Variants in SORCS1 observed in about 807,000 individuals in gnomAD.
SORCS1 encodes sortilin related VPS10 domain containing receptor 1.
In SORCS1, 60 loss-of-function variants were observed where a neutral mutation model predicts 146.1. The observed-to-expected ratio is 0.41, with a 90% confidence interval of 0.33 to 0.51. The LOEUF is 0.51. Ranked by LOEUF, SORCS1 falls within the 20% of genes least tolerant of loss-of-function variation. SORCS1 has a pLI of 0.21. For synonymous variants in SORCS1, 637 were observed against 584.0 expected, an observed-to-expected ratio of 1.09 and a Z score of -1.31; for missense variants, 1,352 against 1,487.6, an observed-to-expected ratio of 0.91 and a Z score of 1.50.
chr10:107,109,769 C>T (rs1169191970), intron 1 of SORCS1, among the ~76,000 whole-genome samples: 1 of 152,200 alleles, frequency 6.6e-6, no homozygotes, highest in African/African-American at 2.4e-5. Flanking sequence ...GGCTAGGCTG[C>T]AGATTTTCTA....
chr10:106,986,296 T>C (rs1000259200), intron 1 of SORCS1, among the ~76,000 whole-genome samples: 4 of 151,954 alleles, frequency 2.6e-5, no homozygotes, highest in Non-Finnish European at 2.9e-5. Flanking sequence ...CAAACACACG[T>C]GTAAAAAAAT....
intron 3 of SORCS1, among the ~76,000 whole-genome samples, chr10:106,780,482 A>C (rs1860803354): frequency 6.6e-6 from 1 of 152,216 alleles, no homozygotes; most frequent in Non-Finnish European, 1.5e-5. Context: ...GCTCTCCAAA[A>C]AGAGAGGTCA....
intron 23 of SORCS1, among the ~76,000 whole-genome samples, chr10:106,602,536 C>CACACAG (rs1554875443): frequency 2.7e-3 from 413 of 151,294 alleles, no homozygotes; most frequent in African/African-American, 9.3e-3. Context: ...CACACACACA[C>CACACAG]ACACACACAC....
chr10:107,148,781 C>T (rs1968537586), intron 1 of SORCS1, among the ~76,000 whole-genome samples: 1 of 152,154 alleles, frequency 6.6e-6, no homozygotes, highest in Non-Finnish European at 1.5e-5. Flanking sequence ...ATCAAGGAGA[C>T]TTTCATAGAG....
chr10:107,032,617 G>A (rs1433422444), intron 1 of SORCS1, among the ~76,000 whole-genome samples: 1 of 152,170 alleles, frequency 6.6e-6, no homozygotes, highest in Non-Finnish European at 1.5e-5. Context: ...AGCCTGCTGA[G>A]AACCTCCCCT....
At chr10:106,619,435 G>A (rs1262193093) in intron 20 of SORCS1, among the ~76,000 whole-genome samples, 1 of 152,182 alleles carries the variant, frequency 6.6e-6, no homozygotes, top group Non-Finnish European at 1.5e-5. Flanking sequence ...GCAGAAAAAT[G>A]TTTTTATTAA....
At chr10:107,145,872 A>C (rs188892755) in intron 1 of SORCS1, among the ~76,000 whole-genome samples, 181 of 152,328 alleles carry the variant, frequency 1.2e-3, no homozygotes, top group African/African-American at 4.2e-3. Flanking sequence ...AAGGAGCCCA[A>C]ATTATTTGCA....
chr10:107,147,485 C>T (rs925056416), intron 1 of SORCS1, among the ~76,000 whole-genome samples: 2 of 152,092 alleles, frequency 1.3e-5, no homozygotes, highest in African/African-American at 2.4e-5. Flanking sequence ...TCTGAATCTA[C>T]GCTTCTTTCT....
intron 21 of SORCS1, among the ~76,000 whole-genome samples, chr10:106,612,277 A>G (rs1380641154): frequency 6.6e-6 from 1 of 151,908 alleles, no homozygotes; most frequent in East Asian, 1.9e-4. Flanking sequence ...CCCTGTATAG[A>G]GACAGAGGGA....
At position 106,776,599 on chromosome 10, in the gene SORCS1, T is replaced by G. The variant is rs998650004; in HGVS notation, c.820A>C (p.Ile274Leu). The G allele has an allele frequency of 5.6e-6, 9 of 1,613,966 alleles. No homozygotes were observed. Among genetic ancestry groups the G allele is most frequent in the African/African-American group, 1.3e-5 (1 of 74,938 alleles). ...TTGGGGTGAAAAAGCAAGCTTTGAA[T>G]GTAGAAGTTCAGCCGGTACTTTTGA... Reference protein sequence around the residue: ...TYQKYRLNFYIQSLLFHPKQE... With the variant: ...TYQKYRLNFYLQSLLFHPKQE... The change falls in exon 4 of 26, where the codon ATT (isoleucine) becomes CTT (leucine). Residue 274 changes from isoleucine (I) to leucine (L), a missense_variant. This residue lies in a region of SORCS1 where 490 missense variants were observed against 489.1 expected (regional missense o/e 1.00). Transcript: ENST00000263054.
intron 16 of SORCS1, among the ~76,000 whole-genome samples, chr10:106,669,937 T>G (rs1281140391): frequency 6.6e-6 from 1 of 152,240 alleles, no homozygotes; most frequent in African/African-American, 2.4e-5. Context: ...AGATATGTGA[T>G]GTGTATGTAC....
intron 1 of SORCS1, among the ~76,000 whole-genome samples, chr10:107,083,540 CT>C (rs1255998021): frequency 6.6e-6 from 1 of 152,124 alleles, no homozygotes; most frequent in Non-Finnish European, 1.5e-5. Context: ...ATGGGTCATA[CT>C]TTTTTTCTTA....
At chr10:106,698,393 T>C (rs1449054277) in intron 9 of SORCS1, among the ~76,000 whole-genome samples, 1 of 152,238 alleles carries the variant, frequency 6.6e-6, no homozygotes, top group East Asian at 1.9e-4. Flanking sequence ...TATAGGTATA[T>C]TGTTACACTT....
At chr10:106,605,498 A>C (rs1846513423) in intron 23 of SORCS1, among the ~76,000 whole-genome samples, 1 of 152,200 alleles carries the variant, frequency 6.6e-6, no homozygotes. Context: ...TTTCATGAAA[A>C]ACCAGTAAGA....
In SORCS1 at chr10:106,580,700, G is replaced by A. The variant is rs116971007; in HGVS notation, c.3266-1226C>T. Among the ~76,000 whole-genome samples the A allele has an allele frequency of 3.0e-3, 456 of 152,270 alleles. 2 individuals are homozygous for A. The highest frequency in any genetic ancestry group is 6.8e-3 in the Middle Eastern group (2 of 294). On this transcript the variant is annotated intron_variant, in intron 24 of 25. Coordinates refer to ENST00000263054, the MANE Select transcript of SORCS1 (RefSeq NM_052918.5). ...CCCAGGTAAAAAAGTTCAAGAATAA[G>A]TGACTATAATACTGATGGTCTCAGA...
chr10:106,813,136 T>TC (rs983970469), intron 3 of SORCS1, among the ~76,000 whole-genome samples: 3 of 142,526 alleles, frequency 2.1e-5, no homozygotes, highest in Non-Finnish European at 4.6e-5. Context: ...TTCTTTTTTT[T>TC]TTTTTTTTTT....
intron 5 of SORCS1, among the ~76,000 whole-genome samples, chr10:106,753,745 T>G (rs2136202642): frequency 6.6e-6 from 1 of 151,070 alleles, no homozygotes; most frequent in East Asian, 2.0e-4. Context: ...GGATAAAGTA[T>G]CTGCCAGTGT....
intron 1 of SORCS1, among the ~76,000 whole-genome samples, chr10:107,086,165 T>C (rs1963745231): frequency 6.6e-6 from 1 of 152,204 alleles, no homozygotes. Flanking sequence ...CATGGAATCA[T>C]TTAATAGTTT....
rs1175026018 is a variant in SORCS1 at position 106,667,920 on chromosome 10, A to C, written c.2190-118T>G. ...CAATTAGTCATAACAAACAAAAATA[A>C]AAACAAAAAAAAAAAACACAAGCAT... is the stretch of plus-strand genomic sequence containing the variant. On this transcript the variant is annotated intron_variant, in intron 16 of 25. Coordinates refer to ENST00000263054, the MANE Select transcript of SORCS1 (RefSeq NM_052918.5). The C allele has an allele frequency of 2.4e-5, 12 of 490,952 alleles. No individual in the cohort carries two copies. The East Asian group carries it at 3.9e-4, about 16-fold the overall frequency. The allele number at this position is 490,952 out of a possible 1,614,324, so 30.4% of individuals were successfully genotyped here.
Sources: allele counts gnomAD v4.1 joint callset (sites outside exome capture counted in the v4.1 genomes callset), GRCh38; gene constraint gnomAD v4.1.1; regional missense constraint gnomAD v4.1.1; transcripts MANE v1.5; gene names NCBI Gene and HGNC (gene_info 2026-07-23, HGNC 2026-07-21).